Variants in PSMB7 observed in about 807,000 individuals in gnomAD.
PSMB7 encodes the protein proteasome 20S subunit beta 7.
A neutral mutation model predicts 28.1 loss-of-function variants in PSMB7; 5 were observed. The observed-to-expected ratio is 0.18, with a 90% CI of 0.09 to 0.37. PSMB7 has a LOEUF of 0.37. Among genes scored for constraint, PSMB7 ranks in the 10% least tolerant of loss-of-function variants. PSMB7 has a pLI of 1.00. For missense variants in PSMB7, 275 were observed against 346.2 expected, an observed-to-expected ratio of 0.79 and a Z score of 1.63; for synonymous variants, 122 against 123.7, an observed-to-expected ratio of 0.99 and a Z score of 0.09.
chr9:124,367,970 T>C (rs1423410237), intron 6 of PSMB7, among the ~76,000 whole-genome samples: 1 of 152,218 alleles, frequency 6.6e-6, no homozygotes, highest in African/African-American at 2.4e-5. Context: ...AGCAAATCAA[T>C]TATGACAGCG....
intron 4 of PSMB7, among the ~76,000 whole-genome samples, chr9:124,411,468 T>C (rs1831026680): frequency 6.6e-6 from 1 of 152,180 alleles, no homozygotes; most frequent in African/African-American, 2.4e-5. Flanking sequence ...TATTATGATA[T>C]CCATTCTACA....
At chr9:124,401,261 A>G (rs1830903458) in intron 5 of PSMB7, among the ~76,000 whole-genome samples, 2 of 152,230 alleles carry the variant, frequency 1.3e-5, no homozygotes, top group Admixed American at 6.5e-5. Flanking sequence ...ACTTGCTCAG[A>G]AAGGACTACA....
At chr9:124,398,554 G>C (rs1830864943) in intron 5 of PSMB7, 1 of 224,250 alleles carries the variant, frequency 4.5e-6, no homozygotes, top group Non-Finnish European at 9.9e-6. Flanking sequence ...CATATATATA[G>C]TTTAATTTCC....
At chr9:124,391,368 T>G (rs1007333296) in intron 5 of PSMB7, among the ~76,000 whole-genome samples, 1 of 152,240 alleles carries the variant, frequency 6.6e-6, no homozygotes, top group Non-Finnish European at 1.5e-5. Context: ...AGCCAAATGC[T>G]TGAAATCAAG....
chr9:124,381,429 G>A (rs537586538), intron 6 of PSMB7, among the ~76,000 whole-genome samples: 21 of 152,316 alleles, frequency 1.4e-4, no homozygotes, highest in African/African-American at 4.6e-4. Context: ...TTCTCTGTGA[G>A]TGAGTGGCAG....
intron 3 of PSMB7, among the ~76,000 whole-genome samples, chr9:124,413,364 G>T (rs115303320): frequency 6.6e-6 from 1 of 151,820 alleles, no homozygotes; most frequent in Non-Finnish European, 1.5e-5. Context: ...TGAAAAAGAC[G>T]CTTGAAGGGT....
chr9:124,400,590 T>C (rs1482689232), intron 5 of PSMB7, among the ~76,000 whole-genome samples: 1 of 152,156 alleles, frequency 6.6e-6, no homozygotes, highest in Non-Finnish European at 1.5e-5. Flanking sequence ...GCAGCCAGGG[T>C]CCGGCACCAG....
At chr9:124,354,437 C>A (rs1308099624) in intron 7 of PSMB7, among the ~76,000 whole-genome samples, 1 of 152,192 alleles carries the variant, frequency 6.6e-6, no homozygotes, top group Non-Finnish European at 1.5e-5. Flanking sequence ...TGCTCTAGCC[C>A]CAGCTGGGGT....
intron 6 of PSMB7, among the ~76,000 whole-genome samples, chr9:124,378,370 CAG>C (rs779849372): frequency 2.4e-4 from 37 of 152,244 alleles, no homozygotes; most frequent in African/African-American, 3.6e-4. Context: ...GAATATGTAT[CAG>C]AGAGGGGGGA....
At chr9:124,370,587 T>C (rs994574293) in intron 6 of PSMB7, among the ~76,000 whole-genome samples, 2 of 152,206 alleles carry the variant, frequency 1.3e-5, no homozygotes, top group African/African-American at 4.8e-5. Flanking sequence ...AAAACTTCTC[T>C]GCCTGCCTGT....
intron 4 of PSMB7, among the ~76,000 whole-genome samples, chr9:124,408,988 A>C (rs961345648): frequency 6.6e-6 from 1 of 152,226 alleles, no homozygotes; most frequent in Non-Finnish European, 1.5e-5. Context: ...AGTCAGTACA[A>C]CTATAATCCC....
intron 4 of PSMB7, among the ~76,000 whole-genome samples, chr9:124,412,120 G>T (rs532751256): frequency 6.6e-6 from 1 of 152,086 alleles, no homozygotes. Flanking sequence ...TATGCTCCAG[G>T]AAATGACTCA....
intron 5 of PSMB7, among the ~76,000 whole-genome samples, chr9:124,405,036 G>A (rs1830949297): frequency 1.3e-5 from 2 of 151,986 alleles, no homozygotes; most frequent in South Asian, 4.2e-4. Context: ...TAGAATACCT[G>A]TGTATTATAA....
At chr9:124,382,032 G>A (rs552699803) in intron 6 of PSMB7, among the ~76,000 whole-genome samples, 5 of 151,698 alleles carry the variant, frequency 3.3e-5, no homozygotes, top group Admixed American at 3.3e-4. Flanking sequence ...GCCAAGGTAG[G>A]CAGACTGCTT....
chr9:124,383,224 C>T lies in PSMB7; in HGVS notation c.570+1374G>A, dbSNP rs1830685849. On this transcript the variant is annotated intron_variant, in intron 6 of 7. Coordinates refer to ENST00000259457, the MANE Select transcript of PSMB7 (RefSeq NM_002799.4). ...ATGCTGATATGGGAGTAACTGTTCA[C>T]ATTGAGAAATGAGAACAGAATCCCA... Among the ~76,000 whole-genome samples the T allele has an allele frequency of 2.6e-5, 4 of 152,252 alleles. No homozygotes were observed. The South Asian group carries it at 8.3e-4, about 32-fold the overall frequency.
intron 5 of PSMB7, among the ~76,000 whole-genome samples, chr9:124,386,607 A>G (rs1361264963): frequency 2.0e-5 from 3 of 152,220 alleles, no homozygotes; most frequent in Non-Finnish European, 4.4e-5. Flanking sequence ...AACAAAGTCC[A>G]AGAATATCTC....
At chr9:124,404,663 C>A (rs1830944985) in intron 5 of PSMB7, among the ~76,000 whole-genome samples, 1 of 152,072 alleles carries the variant, frequency 6.6e-6, no homozygotes, top group Admixed American at 6.6e-5. Flanking sequence ...ACCAGCCTGG[C>A]CAACATGGTG....
At chr9:124,395,731 G>A (rs1370424555) in intron 5 of PSMB7, among the ~76,000 whole-genome samples, 1 of 152,128 alleles carries the variant, frequency 6.6e-6, no homozygotes, top group Non-Finnish European at 1.5e-5. Context: ...TAGAAATAGG[G>A]GTTATGAGGT....
chr9:124,369,325 C>A (rs1289277927), intron 6 of PSMB7, among the ~76,000 whole-genome samples: 2 of 152,122 alleles, frequency 1.3e-5, no homozygotes, highest in African/African-American at 4.8e-5. Flanking sequence ...CTTTAACTAC[C>A]TTCCTGAGGT....
Sources: gnomAD v4.1 joint callset for allele counts (sites outside exome capture counted in the v4.1 genomes callset) on GRCh38, gnomAD v4.1.1 for gene constraint, MANE v1.5 for transcripts, NCBI Gene and HGNC (gene_info 2026-07-23, HGNC 2026-07-21) for gene names.